SLC39A12: variants seen among roughly 807,000 people sequenced by gnomAD.
SLC39A12 encodes solute carrier family 39 member 12.
In SLC39A12, 63 loss-of-function variants were observed where a neutral mutation model predicts 71.1. That is an observed-to-expected ratio of 0.89 (90% CI 0.72 to 1.09). The LOEUF is 1.09. SLC39A12 is among the 50% of genes least tolerant of loss of function. SLC39A12 has a pLI of 0.00. For missense variants in SLC39A12, 892 were observed against 812.6 expected, an observed-to-expected ratio of 1.10 and a Z score of -1.19; for synonymous variants, 351 against 301.3, an observed-to-expected ratio of 1.16 and a Z score of -1.71.
chr10:18,033,592 A>C (rs994731692), intron 12 of SLC39A12, among the ~76,000 whole-genome samples: 10 of 144,394 alleles, frequency 6.9e-5, no homozygotes, highest in African/African-American at 1.8e-4. Context: ...TGATCCTTTC[A>C]AAAAACCAGC....
rs782050620 is a variant in SLC39A12, at chr10:17,961,552, T to A, written c.262-29T>A. 5.6e-5 allele frequency: 89 copies of A among 1,580,508 alleles called. 3 individuals carry two copies. In the South Asian group the frequency reaches 8.7e-4, roughly 15 times the overall value. Reference sequence around the variant, plus strand: ...AACTATTTTGCTAAGCTTTGTTTCTTTTGTTGTTGTTATTGTTTTCTTCCA... The same window carrying A: ...AACTATTTTGCTAAGCTTTGTTTCTATTGTTGTTGTTATTGTTTTCTTCCA... On this transcript the variant is annotated intron_variant, in intron 2 of 12. Coordinates refer to ENST00000377369, the MANE Select transcript of SLC39A12 (RefSeq NM_001145195.2).
intron 12 of SLC39A12, among the ~76,000 whole-genome samples, chr10:18,042,049 G>A (rs1589265590): frequency 6.6e-6 from 1 of 151,814 alleles, no homozygotes; most frequent in East Asian, 1.9e-4. Flanking sequence ...ATCAACCTGT[G>A]CATATAGTAG....
Position 18,040,408 on chromosome 10 carries a change from A to G in SLC39A12, c.1948-2297A>G, listed in dbSNP as rs553493373. On this transcript the variant is annotated intron_variant, in intron 12 of 12. Transcript: ENST00000377369. Reference sequence around the variant, plus strand: ...AGTAAACCACCCTCATGCCATTGAAATAACTACCTAAGATGAAGAAATATC... The same window carrying G: ...AGTAAACCACCCTCATGCCATTGAAGTAACTACCTAAGATGAAGAAATATC... Among the ~76,000 whole-genome samples, 3 of 152,238 alleles carry G rather than the reference A, an allele frequency of 2.0e-5. No individual in the cohort carries two copies. In the South Asian group the frequency reaches 6.2e-4, roughly 32 times the overall value.
At chr10:18,016,211 C>T (rs1207572099) in intron 12 of SLC39A12, among the ~76,000 whole-genome samples, 1 of 152,164 alleles carries the variant, frequency 6.6e-6, no homozygotes, top group African/African-American at 2.4e-5. Flanking sequence ...TTCCTTCCCC[C>T]AAATCCCTGT....
chr10:17,982,228 A>C (rs957449969), intron 6 of SLC39A12, among the ~76,000 whole-genome samples: 3 of 152,224 alleles, frequency 2.0e-5, no homozygotes, highest in Admixed American at 2.0e-4. Flanking sequence ...GAGTCATTGC[A>C]ATAGATGAGA....
At chr10:17,995,389 T>C (rs1835658216) in intron 9 of SLC39A12, among the ~76,000 whole-genome samples, 1 of 152,240 alleles carries the variant, frequency 6.6e-6, no homozygotes, top group Non-Finnish European at 1.5e-5. Flanking sequence ...AATTACAGAC[T>C]GTCTCAGCAG....
intron 1 of SLC39A12, among the ~76,000 whole-genome samples, chr10:17,952,480 TTTTCTTTTTTC>T (rs1287491876): frequency 1.4e-5 from 2 of 140,384 alleles, no homozygotes; most frequent in African/African-American, 5.2e-5. Context: ...TTTTTTTCTT[TTTTCTTTTTTC>T]TTTTTTTTTT....
intron 3 of SLC39A12, 30 bp downstream of exon 3, chr10:17,961,892 G>A: frequency 6.3e-7 from 1 of 1,595,800 alleles, no homozygotes; most frequent in Non-Finnish European, 8.5e-7. Context: ...AACTGGCTCT[G>A]CTGCTAAGAT....
At chr10:17,991,410 A>G in intron 8 of SLC39A12, 107 bp downstream of exon 8, 1 of 846,420 alleles carries the variant, frequency 1.2e-6, no homozygotes, top group Non-Finnish European at 1.7e-6. Flanking sequence ...TGTGTAAGGG[A>G]TGTCTAATGG....
chr10:18,003,070 G>T (rs1835881097), intron 11 of SLC39A12, 101 bp from the exon 12 acceptor site: 6 of 972,862 alleles, frequency 6.2e-6, no homozygotes, highest in Admixed American at 2.3e-5. Context: ...CTATAAAATT[G>T]GTTCCAGTGC....
At chr10:17,981,189 A>G in intron 5 of SLC39A12, 123 bp from the exon 6 acceptor site, 1 of 752,916 alleles carries the variant, frequency 1.3e-6, no homozygotes, top group Non-Finnish European at 2.1e-6. Flanking sequence ...CACGTGTCGT[A>G]CCGGCTTCAT....
chr10:18,021,012 G>A (rs560137586), intron 12 of SLC39A12, among the ~76,000 whole-genome samples: 7 of 152,098 alleles, frequency 4.6e-5, no homozygotes, highest in South Asian at 2.1e-4. Context: ...TTTTGCAATT[G>A]CTTTTGGAGT....
At chr10:17,983,536 C>A (rs1835324386) in intron 6 of SLC39A12, among the ~76,000 whole-genome samples, 1 of 152,000 alleles carries the variant, frequency 6.6e-6, no homozygotes, top group African/African-American at 2.4e-5. Context: ...GTAATCCCAG[C>A]ACTTTGGGAG....
intron 1 of SLC39A12, among the ~76,000 whole-genome samples, chr10:17,952,757 G>A (rs993158307): frequency 2.6e-5 from 4 of 152,166 alleles, no homozygotes; most frequent in Non-Finnish European, 5.9e-5. Flanking sequence ...AAAGTGCTGG[G>A]ATTACTGGTG....
In SLC39A12 at chr10:18,019,117, T is replaced by A. The variant is rs184990118; in HGVS notation, c.1947+15759T>A. On this transcript the variant is annotated intron_variant, in intron 12 of 12. Transcript: ENST00000377369. ...AATTTTCTATTCCTTCTTGTGTGGG[T>A]TTTAGCTGACTGTGTTTTTCAGGGA... Among the ~76,000 whole-genome samples the A allele has an allele frequency of 2.4e-3, 365 of 152,214 alleles. 2 individuals are homozygous for A. Among genetic ancestry groups the A allele is most frequent in the African/African-American group, 8.4e-3 (348 of 41,572 alleles).
At chr10:17,984,112 G>A (rs1835342439) in intron 6 of SLC39A12, among the ~76,000 whole-genome samples, 1 of 152,194 alleles carries the variant, frequency 6.6e-6, no homozygotes, top group Admixed American at 6.5e-5. Flanking sequence ...TTGTAATAAT[G>A]GGAAACTTTA....
At chr10:17,988,382 C>T (rs1211645032) in intron 7 of SLC39A12, among the ~76,000 whole-genome samples, 1 of 152,158 alleles carries the variant, frequency 6.6e-6, no homozygotes, top group Non-Finnish European at 1.5e-5. Context: ...GTCTCCCTCT[C>T]TCTTGCTTTC....
At chr10:17,978,769 G>A (rs7076020) in intron 5 of SLC39A12, among the ~76,000 whole-genome samples, 2,350 of 152,226 alleles carry the variant, frequency 0.015, 59 homozygotes, top group African/African-American at 0.053. Context: ...CTGTTCCAAC[G>A]TGTGACTTTC....
chr10:17,994,085 C>T (rs545273432), intron 9 of SLC39A12, among the ~76,000 whole-genome samples: 27 of 152,144 alleles, frequency 1.8e-4, no homozygotes, highest in Middle Eastern at 6.8e-3. Flanking sequence ...CTTTAAAATA[C>T]GATTTTAAGA....
Sources: gnomAD v4.1 joint callset for allele counts (sites outside exome capture counted in the v4.1 genomes callset) on GRCh38, gnomAD v4.1.1 for gene constraint, MANE v1.5 for transcripts, NCBI Gene and HGNC (gene_info 2026-07-23, HGNC 2026-07-21) for gene names.